Variants in FRMD4A observed in about 807,000 individuals in gnomAD.
FRMD4A encodes FERM domain containing 4A.
FRMD4A carries 29 observed loss-of-function variants against 129.1 expected under a neutral mutation model. That is an observed-to-expected ratio of 0.22 (90% CI 0.17 to 0.31). FRMD4A has a LOEUF of 0.31. Ranked by LOEUF, FRMD4A falls within the 10% of genes least tolerant of loss-of-function variation. The pLI is 1.00. For synonymous variants in FRMD4A, 634 were observed against 571.6 expected, an observed-to-expected ratio of 1.11 and a Z score of -1.56; for missense variants, 1,272 against 1,375.8, an observed-to-expected ratio of 0.92 and a Z score of 1.19.
At chr10:14,080,808 T>C (rs1027403589) in intron 2 of FRMD4A, among the ~76,000 whole-genome samples, 3 of 151,852 alleles carry the variant, frequency 2.0e-5, no homozygotes, top group Non-Finnish European at 2.9e-5. Flanking sequence ...GCTGTCTTCC[T>C]GCCCCATTGC....
chr10:14,234,696 A>G (rs1011323253), intron 2 of FRMD4A, among the ~76,000 whole-genome samples: 3 of 151,768 alleles, frequency 2.0e-5, no homozygotes, highest in Non-Finnish European at 3.0e-5. Flanking sequence ...ACCACAGCGT[A>G]AGCTCGATGC....
chr10:13,838,649 C>T (rs945642108), intron 3 of FRMD4A, among the ~76,000 whole-genome samples: 3 of 152,142 alleles, frequency 2.0e-5, no homozygotes, highest in Non-Finnish European at 2.9e-5. Context: ...TGTGCCACCA[C>T]GCCCAGCTAA....
At chr10:14,147,171 C>G (rs1459100658) in intron 2 of FRMD4A, among the ~76,000 whole-genome samples, 4 of 152,154 alleles carry the variant, frequency 2.6e-5, no homozygotes, top group Non-Finnish European at 5.9e-5. Context: ...TTATGCCAAC[C>G]TGCAGTAGAA....
chr10:13,846,278 A>G (rs1407211696), intron 3 of FRMD4A, among the ~76,000 whole-genome samples: 1 of 152,204 alleles, frequency 6.6e-6, no homozygotes, highest in Non-Finnish European at 1.5e-5. Context: ...CTTTTAATGC[A>G]ATTACTTTCG....
At chr10:13,934,024 G>T (rs2095226978) in intron 2 of FRMD4A, among the ~76,000 whole-genome samples, 2 of 152,178 alleles carry the variant, frequency 1.3e-5, no homozygotes. Context: ...AAGGAACATT[G>T]AAACCATTAT....
chr10:14,318,058 T>C (rs142585545), intron 2 of FRMD4A, among the ~76,000 whole-genome samples: 265 of 152,198 alleles, frequency 1.7e-3, no homozygotes, highest in Middle Eastern at 6.8e-3. Context: ...GGAAAACAAA[T>C]AGTTGTTGAT....
intron 2 of FRMD4A, among the ~76,000 whole-genome samples, chr10:14,038,247 C>T (rs190352100): frequency 4.9e-3 from 739 of 152,232 alleles, no homozygotes; most frequent in African/African-American, 0.017. Flanking sequence ...GGCATGAACC[C>T]GGGCGGCGGA....
At chr10:13,834,971 C>G (rs906794251) in intron 3 of FRMD4A, among the ~76,000 whole-genome samples, 5 of 152,166 alleles carry the variant, frequency 3.3e-5, no homozygotes, top group African/African-American at 1.2e-4. Flanking sequence ...GTGATAGCAG[C>G]GTGCACGGAA....
At chr10:13,850,472 T>C (rs902811412) in intron 3 of FRMD4A, among the ~76,000 whole-genome samples, 2 of 152,192 alleles carry the variant, frequency 1.3e-5, no homozygotes, top group African/African-American at 4.8e-5. Flanking sequence ...CCACACCTGC[T>C]AGCCCGAGAC....
chr10:13,657,435 G>A lies in FRMD4A; in HGVS notation c.2154C>T (p.Leu718=). The change falls in exon 22 of 25, where the codon CTC becomes CTT. Residue 718 remains leucine, a synonymous_variant. Transcript: ENST00000357447. ...RSSSLESQGK[L]LGSENDTGSP... ...TCCCGGTGTCGTTTTCCGAGCCCAG[G>A]AGCTTGCCCTGGGACTCCAGGCTGG... is the stretch of plus-strand genomic sequence containing the variant. The A allele has an allele frequency of 1.9e-6, 3 of 1,612,754 alleles. No homozygotes were observed. The highest frequency in any genetic ancestry group is 2.5e-6 in the Non-Finnish European group (3 of 1,179,928).
chr10:13,906,221 A>C (rs1389871789), intron 2 of FRMD4A, among the ~76,000 whole-genome samples: 1 of 152,242 alleles, frequency 6.6e-6, no homozygotes, highest in Non-Finnish European at 1.5e-5. Flanking sequence ...GACTTTGAAC[A>C]GGTCAGCCTG....
chr10:13,843,350 C>T (rs1364668496), intron 3 of FRMD4A, among the ~76,000 whole-genome samples: 2 of 152,162 alleles, frequency 1.3e-5, no homozygotes, highest in African/African-American at 4.8e-5. Context: ...ATTCTGCTCC[C>T]TGTGTGAGTG....
chr10:13,724,899 C>T (rs1242402018), intron 12 of FRMD4A, among the ~76,000 whole-genome samples: 1 of 152,146 alleles, frequency 6.6e-6, no homozygotes, highest in African/African-American at 2.4e-5. Context: ...TCCCCAAAGA[C>T]ATATCAGCTG....
At chr10:13,883,232 G>A (rs992733616) in intron 2 of FRMD4A, among the ~76,000 whole-genome samples, 55 of 152,002 alleles carry the variant, frequency 3.6e-4, no homozygotes, top group Middle Eastern at 6.8e-3. Context: ...GCTCACGGCT[G>A]TAATCCTAGC....
At chr10:13,898,302 G>A (rs986185626) in intron 2 of FRMD4A, among the ~76,000 whole-genome samples, 2 of 152,158 alleles carry the variant, frequency 1.3e-5, no homozygotes, top group African/African-American at 4.8e-5. Flanking sequence ...GGAGGTGGAG[G>A]TTGCAGTGAG....
At chr10:14,322,136 GCA>G (rs1241364379) in intron 2 of FRMD4A, among the ~76,000 whole-genome samples, 3 of 152,056 alleles carry the variant, frequency 2.0e-5, no homozygotes, top group Non-Finnish European at 4.4e-5. Flanking sequence ...TTATAGCAAT[GCA>G]AGAATGAACT....
At chr10:14,271,744 T>C (rs902584972) in intron 2 of FRMD4A, among the ~76,000 whole-genome samples, 1 of 152,198 alleles carries the variant, frequency 6.6e-6, no homozygotes, top group Non-Finnish European at 1.5e-5. Flanking sequence ...TCTATAAAAA[T>C]GTAAAGCTCA....
intron 2 of FRMD4A, among the ~76,000 whole-genome samples, chr10:14,082,241 C>T (rs1835970512): frequency 1.3e-5 from 2 of 151,460 alleles, no homozygotes; most frequent in South Asian, 4.2e-4. Flanking sequence ...AGCGAGACTC[C>T]AGATAAAAAA....
intron 6 of FRMD4A, among the ~76,000 whole-genome samples, chr10:13,764,198 T>TGTGC (rs1226040660): frequency 1.3e-5 from 2 of 151,462 alleles, no homozygotes; most frequent in East Asian, 3.9e-4. Flanking sequence ...TGTGTGTGTG[T>TGTGC]GTGTGTGTGT....
Sources: gnomAD v4.1 joint callset for allele counts (sites outside exome capture counted in the v4.1 genomes callset) on GRCh38, gnomAD v4.1.1 for gene constraint, MANE v1.5 for transcripts, NCBI Gene and HGNC (gene_info 2026-07-23, HGNC 2026-07-21) for gene names.